Variants in TFB2M observed in about 807,000 individuals in gnomAD.
The protein encoded by TFB2M is transcription factor B2, mitochondrial, also known as dimethyladenosine transferase 2, mitochondrial.
In TFB2M, 44 loss-of-function variants were observed where a neutral mutation model predicts 41.3. That is an observed-to-expected ratio of 1.07 (90% confidence interval 0.84 to 1.37). TFB2M has a LOEUF of 1.37. TFB2M is among the 40% of genes most tolerant of loss of function. The pLI is 0.00. For synonymous variants in TFB2M, 188 were observed against 176.8 expected, an observed-to-expected ratio of 1.06 and a Z score of -0.50; for missense variants, 496 against 490.2, an observed-to-expected ratio of 1.01 and a Z score of -0.11.
In TFB2M at chr1:246,565,761, G is replaced by A. The variant is rs1274327462; in HGVS notation, c.313+65C>T. On this transcript the variant is annotated intron_variant, in intron 1 of 7. Transcript: ENST00000366514. ...CCCCCAGTATCTAAAATAGCACCCC[G>A]AGGAGGGTCAATACGTTTGAATAAA... is the stretch of plus-strand genomic sequence containing the variant. 7 of 1,518,054 alleles carry A rather than the reference G, an allele frequency of 4.6e-6. No homozygotes were observed. The African/African-American group carries it at 6.9e-5, about 15-fold the overall frequency. The allele number at this position is 1,518,054 out of a possible 1,614,324, so 94.0% of individuals were successfully genotyped here.
At position 246,540,943 on chromosome 1, in the gene TFB2M, GC is replaced by G; in HGVS notation, c.*87del. Reference sequence around the variant, plus strand: ...TGCAAGACAAGAACAGTTACCTTCTGCTGAAAGGATGTGAGTTTTCAAATTT... The same window carrying G: ...TGCAAGACAAGAACAGTTACCTTCTGTGAAAGGATGTGAGTTTTCAAATTT... On this transcript the variant is annotated 3_prime_UTR_variant, in exon 8 of 8. Coordinates refer to ENST00000366514, the MANE Select transcript of TFB2M (RefSeq NM_022366.3). The G allele has an allele frequency of 7.6e-7, 1 of 1,319,454 alleles. No homozygotes were observed. Among genetic ancestry groups the G allele is most frequent in the Middle Eastern group, 2.7e-4 (1 of 3,684 alleles). 81.7% of individuals were successfully genotyped at this position (1,319,454 alleles called of 1,614,324 possible).
rs148725370 is a variant in TFB2M, at chr1:246,545,473, C to A, written c.859-792G>T. ...CCAGGAGGTGGAGGCTGAGAGCATG[C>A]CACTGCACTCAAGGCTGGTTGACAG... On this transcript the variant is annotated intron_variant, in intron 6 of 7. Transcript: ENST00000366514. Among the ~76,000 whole-genome samples, 80 of 151,426 alleles carry A rather than the reference C, an allele frequency of 5.3e-4. 2 individuals are homozygous for A. The highest frequency in any genetic ancestry group is 1.8e-3 in the African/African-American group (75 of 41,232).
At position 246,540,871 on chromosome 1, in the gene TFB2M, C is replaced by A; in HGVS notation, c.*160G>T. 1 of 540,312 alleles carries A rather than the reference C, an allele frequency of 1.9e-6. No individual in the cohort carries two copies. Among genetic ancestry groups the A allele is most frequent in the Non-Finnish European group, 3.1e-6 (1 of 317,644 alleles). 33.5% of individuals were successfully genotyped at this position (540,312 alleles called of 1,614,324 possible). On this transcript the variant is annotated 3_prime_UTR_variant, in exon 8 of 8. Transcript: ENST00000366514. ...ATAAAATAGCAGACACTGTTTCATC[C>A]AATAAGCCAATGATATCAGCTTAGG...
At chr1:246,560,018 A>G (rs1057369295) in intron 2 of TFB2M, among the ~76,000 whole-genome samples, 1 of 152,206 alleles carries the variant, frequency 6.6e-6, no homozygotes, top group Non-Finnish European at 1.5e-5. Context: ...GGCCGCATAC[A>G]GCCCAGGACG....
At position 246,544,814 on chromosome 1, in the gene TFB2M, T is replaced by C. The variant is rs575270274; in HGVS notation, c.859-133A>G. The C allele has an allele frequency of 1.5e-5, 11 of 739,550 alleles. No homozygotes were observed. The East Asian group carries it at 3.1e-4, about 21-fold the overall frequency. 45.8% of individuals were successfully genotyped at this position (739,550 alleles called of 1,614,324 possible). ...CCCTGAGTGTCTTCACATTCTCTTT[T>C]TCTTTCTTGGAGATAGAGTCTCACT... On this transcript the variant is annotated intron_variant, in intron 6 of 7. Transcript: ENST00000366514.
chr1:246,546,344 C>T (rs1245524370), intron 6 of TFB2M, among the ~76,000 whole-genome samples: 12 of 83,668 alleles, frequency 1.4e-4, no homozygotes, highest in East Asian at 5.4e-4. Flanking sequence ...CTGGGCGTGG[C>T]GGCTCACGCC....
chr1:246,541,243 C>A, intron 7 of TFB2M, 41 bp from the exon 8 acceptor site: 2 of 1,583,542 alleles, frequency 1.3e-6, no homozygotes, highest in Admixed American at 1.8e-5. Context: ...AATTCTTTCT[C>A]ATGCATCTAT....
chr1:246,543,190 GATAA>G (rs987250363), intron 7 of TFB2M, among the ~76,000 whole-genome samples: 12 of 148,674 alleles, frequency 8.1e-5, no homozygotes, highest in African/African-American at 3.0e-4. Context: ...TTTATTTTTA[GATAA>G]ATATTGTCTA....
chr1:246,564,544 C>A, intron 1 of TFB2M, 110 bp from the exon 2 acceptor site: 1 of 909,550 alleles, frequency 1.1e-6, no homozygotes, highest in Non-Finnish European at 1.7e-6. Flanking sequence ...TTAAATCTGA[C>A]AGCATCCGCA....
intron 6 of TFB2M, 80 bp downstream of exon 6, chr1:246,548,465 C>T (rs535704637): frequency 2.5e-6 from 3 of 1,217,562 alleles, no homozygotes; most frequent in Non-Finnish European, 3.5e-6. Flanking sequence ...TAAATACAGA[C>T]TACCAAATAG....
intron 2 of TFB2M, among the ~76,000 whole-genome samples, chr1:246,561,552 C>G (rs1659455292): frequency 6.6e-6 from 1 of 152,160 alleles, no homozygotes; most frequent in Admixed American, 6.5e-5. Flanking sequence ...ACTGCAACCT[C>G]CACCTACCGG....
chr1:246,545,324 T>C (rs531552347), intron 6 of TFB2M, among the ~76,000 whole-genome samples: 9 of 150,768 alleles, frequency 6.0e-5, no homozygotes, highest in Non-Finnish European at 1.2e-4. Context: ...AGGTCAGGAG[T>C]TCAAGACCAG....
rs1558513520 is a variant in TFB2M, at chr1:246,557,424, C to T, written c.513G>A (p.Gly171=). The T allele has an allele frequency of 6.2e-7, 1 of 1,613,346 alleles. No individual in the cohort carries two copies. The highest frequency in any genetic ancestry group is 1.3e-5 in the African/African-American group (1 of 74,960). ...VIKPPAMSSR[G]LFKNLGIEAV... ...CTTCTATTCCCAAATTCTTAAAGAG[C>T]CCTCGAGAAGACATAGCAGGTGGTT... is the stretch of plus-strand genomic sequence containing the variant. Residue 171 remains glycine, a synonymous_variant, in exon 3 of 8, where the codon GGG becomes GGA. Transcript: ENST00000366514.
intron 2 of TFB2M, among the ~76,000 whole-genome samples, chr1:246,558,075 A>T (rs1380673458): frequency 6.6e-6 from 1 of 152,200 alleles, no homozygotes; most frequent in Non-Finnish European, 1.5e-5. Flanking sequence ...TTAATACCTG[A>T]AAAGTGGCAA....
intron 2 of TFB2M, among the ~76,000 whole-genome samples, chr1:246,563,472 C>T (rs932576618): frequency 2.2e-4 from 34 of 152,016 alleles, no homozygotes; most frequent in African/African-American, 7.5e-4. Flanking sequence ...GGCATAGTGG[C>T]GGGCGCCTGT....
chr1:246,544,336 G>C (rs945798874), intron 7 of TFB2M, among the ~76,000 whole-genome samples, 185 bp downstream of exon 7: 16 of 152,310 alleles, frequency 1.1e-4, no homozygotes, highest in African/African-American at 3.9e-4. Flanking sequence ...AACTCAATGA[G>C]AGATTATGGG....
In TFB2M at chr1:246,565,829, G is replaced by T. The variant is rs1659642462; in HGVS notation, c.310C>A (p.Pro104Thr). 1.9e-6 allele frequency: 3 copies of T among 1,598,500 alleles called. No homozygotes were observed. The highest frequency in any genetic ancestry group is 2.6e-6 in the Non-Finnish European group (3 of 1,166,766). Residue 104 changes from proline to threonine, a missense_variant, in exon 1 of 8, where the codon CCA (proline) becomes ACA (threonine). By Grantham distance (38) the Pro-to-Thr change is conservative. Coordinates refer to ENST00000366514, the MANE Select transcript of TFB2M (RefSeq NM_022366.3). ...AATGCAATTCAGCTGGACTCACCTG[G>T]ATTGCACTCCAGCAGTAGGTGTGGA... ...RPPHLLLECN[P>T]GPGILTQALL...
intron 7 of TFB2M, among the ~76,000 whole-genome samples, chr1:246,542,923 A>G (rs1658902683): frequency 8.2e-6 from 1 of 122,150 alleles, no homozygotes; most frequent in Admixed American, 9.3e-5. Flanking sequence ...TTTTTTAGAG[A>G]TAGAGTCTTG....
intron 3 of TFB2M, among the ~76,000 whole-genome samples, chr1:246,556,933 C>A (rs1659338214): frequency 6.6e-6 from 1 of 152,078 alleles, no homozygotes; most frequent in Non-Finnish European, 1.5e-5. Flanking sequence ...ATGCCATATT[C>A]AGAGTCAGAG....
Sources: allele counts gnomAD v4.1 joint callset (sites outside exome capture counted in the v4.1 genomes callset), GRCh38; gene constraint gnomAD v4.1.1; transcripts MANE v1.5; gene names NCBI Gene and HGNC (gene_info 2026-07-23, HGNC 2026-07-21).